The following RIN3 variants were observed in gnomAD, a reference collection of about 807,000 sequenced individuals.
The protein encoded by RIN3 is Ras and Rab interactor 3.
In RIN3, 54 loss-of-function variants were observed where a neutral mutation model predicts 76.3. The observed-to-expected ratio is 0.71, with a 90% confidence interval of 0.57 to 0.89. The LOEUF (loss-of-function observed/expected upper bound fraction) is 0.89. Ranked by LOEUF, RIN3 falls within the 40% of genes least tolerant of loss-of-function variation. The probability of loss-of-function intolerance (pLI) is 0.00; values close to 1 mark genes in which losing one functional copy is unlikely to be tolerated. For synonymous variants in RIN3, 576 were observed against 564.0 expected, an observed-to-expected ratio of 1.02 and a Z score of -0.30; for missense variants, 1,256 against 1,322.1, an observed-to-expected ratio of 0.95 and a Z score of 0.78.
chr14:92,617,246 A>G lies in RIN3; in HGVS notation c.440+1767A>G, dbSNP rs10146104. Among the ~76,000 whole-genome samples the G allele has an allele frequency of 8.7e-3, 1,331 of 152,180 alleles. 13 individuals carry two copies. The highest frequency in any genetic ancestry group is 0.03 in the African/African-American group (1,247 of 41,542). Reference sequence around the variant, plus strand: ...ACCTGGGAGGCAGAGGTTGCAGTGAACCAAGATCGTACCATTGCACCCCAG... The same window carrying G: ...ACCTGGGAGGCAGAGGTTGCAGTGAGCCAAGATCGTACCATTGCACCCCAG... On this transcript the variant is annotated intron_variant, in intron 4 of 9. Coordinates refer to ENST00000216487, the MANE Select transcript of RIN3 (RefSeq NM_024832.5).
chr14:92,660,665 G>A (rs996620406), intron 7 of RIN3, among the ~76,000 whole-genome samples: 1 of 152,240 alleles, frequency 6.6e-6, no homozygotes, highest in African/African-American at 2.4e-5. Context: ...TCATTGACTT[G>A]TTTAGGCACA....
At chr14:92,616,982 C>T (rs1341928256) in intron 4 of RIN3, among the ~76,000 whole-genome samples, 1 of 152,138 alleles carries the variant, frequency 6.6e-6, no homozygotes, top group East Asian at 1.9e-4. Flanking sequence ...TAGTCCAAAA[C>T]AACAGCCTGC....
intron 3 of RIN3, among the ~76,000 whole-genome samples, chr14:92,600,712 C>A (rs771122588): frequency 1.3e-5 from 2 of 152,216 alleles, no homozygotes; most frequent in African/African-American, 4.8e-5. Flanking sequence ...CCGGTTCACT[C>A]AAGGAGCACA....
chr14:92,543,618 CTTTTTTTTT>C (rs3033757), intron 1 of RIN3, among the ~76,000 whole-genome samples: 17 of 84,884 alleles, frequency 2.0e-4, no homozygotes, highest in Middle Eastern at 8.2e-3. Context: ...AAGGCTTTTG[CTTTTTTTTT>C]TTTTTTTTTT....
At chr14:92,607,173 T>A (rs1885556206) in intron 3 of RIN3, among the ~76,000 whole-genome samples, 1 of 152,212 alleles carries the variant, frequency 6.6e-6, no homozygotes, top group Non-Finnish European at 1.5e-5. Context: ...CATTAATTAT[T>A]TGAGAAATGC....
At chr14:92,587,522 G>A (rs1228340026) in intron 3 of RIN3, among the ~76,000 whole-genome samples, 1 of 152,202 alleles carries the variant, frequency 6.6e-6, no homozygotes, top group Non-Finnish European at 1.5e-5. Flanking sequence ...TAGAACACAT[G>A]GCCTCAGAGG....
intron 2 of RIN3, among the ~76,000 whole-genome samples, chr14:92,556,537 A>C (rs373161962): frequency 6.6e-6 from 1 of 152,076 alleles, no homozygotes; most frequent in South Asian, 2.1e-4. Context: ...GGGAAGATAG[A>C]TGATGGATGG....
intron 2 of RIN3, among the ~76,000 whole-genome samples, chr14:92,561,145 T>TTATATATATTTATA (rs1897765204): frequency 8.8e-5 from 4 of 45,258 alleles, no homozygotes; most frequent in Admixed American, 5.0e-4. Flanking sequence ...TTATATATAT[T>TTATATATATTTATA]TTTATATATA....
chr14:92,582,025 T>C (rs61975776), intron 3 of RIN3, among the ~76,000 whole-genome samples: 9,014 of 152,222 alleles, frequency 0.059, 366 homozygotes, highest in Admixed American at 0.11. Flanking sequence ...TGATCAGATA[T>C]TGACAGTGAT....
intron 6 of RIN3, among the ~76,000 whole-genome samples, chr14:92,654,313 TA>T (rs35920629): frequency 0.3 from 38,991 of 130,842 alleles, 6,228 homozygotes; most frequent in East Asian, 0.46. Flanking sequence ...AAACTCTGTC[TA>T]AAAAAAAAAA....
intron 1 of RIN3, among the ~76,000 whole-genome samples, chr14:92,517,555 G>C (rs909058467): frequency 2.6e-5 from 4 of 152,160 alleles, no homozygotes; most frequent in Non-Finnish European, 4.4e-5. Context: ...CTTTAGAAGA[G>C]AGTGGGGGGC....
intron 9 of RIN3, chr14:92,686,914 C>A (rs1191361439): frequency 2.0e-5 from 3 of 152,324 alleles, no homozygotes; most frequent in Admixed American, 6.5e-5. Flanking sequence ...CCGGGCTTTT[C>A]CCCTCCTGGA....
At chr14:92,572,103 A>G (rs1455279221) in intron 2 of RIN3, among the ~76,000 whole-genome samples, 3 of 152,224 alleles carry the variant, frequency 2.0e-5, no homozygotes, top group African/African-American at 7.2e-5. Flanking sequence ...GATCAAGTGC[A>G]TGGTTTGACC....
rs78547168 is a variant in RIN3 at position 92,642,849 on chromosome 14, C to T, written c.532+1520C>T. Among the ~76,000 whole-genome samples the T allele has an allele frequency of 3.1e-3, 465 of 152,270 alleles. 3 individuals are homozygous for T. The highest frequency in any genetic ancestry group is 4.5e-3 in the Non-Finnish European group (304 of 68,014). On this transcript the variant is annotated intron_variant, in intron 5 of 9. Coordinates refer to ENST00000216487, the MANE Select transcript of RIN3 (RefSeq NM_024832.5). ...GTTAGCGCTCCATGAGCACTGACTG[C>T]GTTCTAACCTCTTTAGCTGCCATTG...
chr14:92,614,358 A>C (rs749647), intron 3 of RIN3, among the ~76,000 whole-genome samples: 111,568 of 152,144 alleles, frequency 0.73, 41,639 homozygotes, highest in African/African-American at 0.87. Context: ...CCTGGCCTCT[A>C]CTGGGCCTCA....
intron 6 of RIN3, among the ~76,000 whole-genome samples, chr14:92,658,555 C>T (rs966552044): frequency 6.6e-6 from 1 of 152,224 alleles, no homozygotes; most frequent in African/African-American, 2.4e-5. Flanking sequence ...AACAGGACAA[C>T]ACCAGCTGCT....
At chr14:92,524,360 T>A (rs1242444176) in intron 1 of RIN3, among the ~76,000 whole-genome samples, 1 of 152,224 alleles carries the variant, frequency 6.6e-6, no homozygotes, top group Non-Finnish European at 1.5e-5. Context: ...GCTTGTTTTA[T>A]GCTGACCACT....
Position 92,651,906 on chromosome 14 carries a change from T to A in RIN3, c.857T>A (p.Val286Glu), listed in dbSNP as rs759937043. 22 of 1,260,384 alleles carry A rather than the reference T, an allele frequency of 1.7e-5. No individual in the cohort carries two copies. Among genetic ancestry groups the A allele is most frequent in the Non-Finnish European group, 7.2e-6 (7 of 971,750 alleles). The allele number at this position is 1,260,384 out of a possible 1,614,324, so 78.1% of individuals were successfully genotyped here. A position where few individuals can be genotyped will look rare whatever the true frequency, so the allele number is the denominator to read the frequency against. Residue 286 changes from valine (V) to glutamate (E), a missense_variant, in exon 6 of 10, where the codon GTG (valine) becomes GAG (glutamate). Physicochemically the swap from Val to Glu is moderately radical, Grantham distance 121. Around this residue, in one of 3 missense-constraint regions of RIN3, gnomAD observed 610 missense variants for 626.4 expected, o/e 0.97. Transcript: ENST00000216487. ...CGCCGCCCACCACCCCCTCCCCCAGTGCTGCCCCTGCAGCCCTGCAGCCCA... is the reference window on the plus strand; with the variant it reads ...CGCCGCCCACCACCCCCTCCCCCAGAGCTGCCCCTGCAGCCCTGCAGCCCA... The part of the protein sequence containing the change: ...APRRPPPPPP[V>E]LPLQPCSPAQ...
At position 92,641,314 on chromosome 14, in the gene RIN3, G is replaced by T; in HGVS notation, c.517G>T (p.Ala173Ser). The T allele has an allele frequency of 1.2e-6, 2 of 1,613,800 alleles. No homozygotes were observed. Among genetic ancestry groups the T allele is most frequent in the Non-Finnish European group, 8.5e-7 (1 of 1,179,698 alleles). ...ASSFTDLETI[A>S]NLGLGFWDSS... ...CAGCTTCACGGACCTTGAGACCATC[G>T]CCAACCTGGGTCTGGGTGAGTCTTC... The change falls in exon 5 of 10, where the codon GCC becomes TCC. Residue 173 changes from alanine to serine, a missense_variant. By Grantham distance (99) the Ala-to-Ser change is moderately conservative. This residue lies in a region of RIN3 where 610 missense variants were observed against 626.4 expected (regional missense o/e 0.97). Transcript: ENST00000216487.
Sources: allele counts gnomAD v4.1 joint callset (sites outside exome capture counted in the v4.1 genomes callset), GRCh38; gene constraint gnomAD v4.1.1; regional missense constraint gnomAD v4.1.1; transcripts MANE v1.5; gene names NCBI Gene and HGNC (gene_info 2026-07-23, HGNC 2026-07-21).